The following SAMD9 variants were observed in gnomAD, a reference collection of about 807,000 sequenced individuals.
SAMD9 encodes the protein sterile alpha motif domain containing 9.
A neutral mutation model predicts 1.5 loss-of-function variants in SAMD9; 3 were observed. The ratio of observed to expected loss-of-function variants is 2.05; its 90% CI spans 0.93 to 5.29. SAMD9 has a LOEUF of 5.29. Among genes scored for constraint, SAMD9 ranks in the 30% most tolerant of loss-of-function variants. The probability of loss-of-function intolerance (pLI) is 0.02; values close to 1 mark genes in which losing one functional copy is unlikely to be tolerated. For missense variants in SAMD9, 1,597 were observed against 1,820.8 expected (o/e 0.88, Z 2.24); for synonymous variants, 635 against 631.9 (o/e 1.00, Z -0.07).
chr7:93,101,768 G>T lies in SAMD9; in HGVS notation c.4330C>A (p.Gln1444Lys), dbSNP rs1490596001. ...LASLLFWPEN[Q>K]QLDQHSEQMK... ...TGTTCAGAATGTTGATCTAGTTGTTGATTTTCTGGCCAGAATAAGAGGGAA... is the reference window on the plus strand; with the variant it reads ...TGTTCAGAATGTTGATCTAGTTGTTTATTTTCTGGCCAGAATAAGAGGGAA... Residue 1444 changes from glutamine (Q) to lysine (K), a missense_variant, in exon 3 of 3, where the codon CAA becomes AAA. Gln to Lys is a moderately conservative substitution (Grantham distance 53, BLOSUM62 1). This residue lies in a region of SAMD9 where 682 missense variants were observed against 810.0 expected (regional missense o/e 0.84). Coordinates refer to ENST00000379958, the MANE Select transcript of SAMD9 (RefSeq NM_017654.4). 3.1e-6 allele frequency: 5 copies of T among 1,613,710 alleles called. No individual in the cohort carries two copies. Among genetic ancestry groups the T allele is most frequent in the Middle Eastern group, 1.7e-4 (1 of 6,060 alleles).
chr7:93,104,329 A>T lies in SAMD9; in HGVS notation c.1769T>A (p.Leu590His). 6.2e-7 allele frequency: 1 copy of T among 1,613,820 alleles called. No homozygotes were observed. The highest frequency in any genetic ancestry group is 8.5e-7 in the Non-Finnish European group (1 of 1,179,824). ...TTGGTGTTTTATTAATCTTGCTTCAAGTAGATCTTTCCATCCCTGAAATAT... is the reference window on the plus strand; with the variant it reads ...TTGGTGTTTTATTAATCTTGCTTCATGTAGATCTTTCCATCCCTGAAATAT... ...PHIFQGWKDL[L>H]EARLIKHQDE... The change falls in exon 3 of 3, where the codon CTT becomes CAT. Residue 590 changes from leucine (L) to histidine (H), a missense_variant. By Grantham distance (99) the Leu-to-His change is moderately conservative. Coordinates refer to ENST00000379958, the MANE Select transcript of SAMD9 (RefSeq NM_017654.4).
chr7:93,111,258 C>T (rs1181834487), intron 2 of SAMD9, among the ~76,000 whole-genome samples: 2 of 152,082 alleles, frequency 1.3e-5, no homozygotes, highest in Non-Finnish European at 2.9e-5. Context: ...TTGAAACCAA[C>T]AAGAACAAAG....
At position 93,103,318 on chromosome 7, in the gene SAMD9, T is replaced by G; in HGVS notation, c.2780A>C (p.Tyr927Ser). The G allele has an allele frequency of 1.2e-6, 2 of 1,613,680 alleles. No individual in the cohort carries two copies. Among genetic ancestry groups the G allele is most frequent in the Non-Finnish European group, 1.7e-6 (2 of 1,179,716 alleles). ...TAGTGAAATGGTGGTATCAGGCACA[T>G]ATGAATTAAGAAGAGCCAGAAAAGA... ...LFSFLALLNS[Y>S]VPDTTISLSQ... The change falls in exon 3 of 3, where the codon TAT becomes TCT. Residue 927 changes from tyrosine to serine, a missense_variant. This residue lies in a region of SAMD9 where 682 missense variants were observed against 810.0 expected (regional missense o/e 0.84). Coordinates refer to ENST00000379958, the MANE Select transcript of SAMD9 (RefSeq NM_017654.4).
intron 2 of SAMD9, among the ~76,000 whole-genome samples, chr7:93,114,057 C>T (rs1449874733): frequency 6.6e-6 from 1 of 152,100 alleles, no homozygotes; most frequent in Admixed American, 6.5e-5. Context: ...CCCAAATGTC[C>T]ATCATTGATA....
Position 93,103,875 on chromosome 7 carries a change from A to G in SAMD9, c.2223T>C (p.Cys741=). 6.2e-7 allele frequency: 1 copy of G among 1,613,980 alleles called. No homozygotes were observed. Among genetic ancestry groups the G allele is most frequent in the Non-Finnish European group, 8.5e-7 (1 of 1,179,850 alleles). ...TGTGCATAGCCAAGGTAGTTCCCCC[A>G]CAGCCTGGATGATGATACAGATGAA... ...KIIHLYHHPG[C]GGTTLAMHIL... The change falls in exon 3 of 3, where the codon TGT becomes TGC. Residue 741 remains cysteine (C), a synonymous_variant. Coordinates refer to ENST00000379958, the MANE Select transcript of SAMD9 (RefSeq NM_017654.4).
At position 93,101,513 on chromosome 7, in the gene SAMD9, G is replaced by A. The variant is rs762323380; in HGVS notation, c.4585C>T (p.Arg1529Cys). The A allele has an allele frequency of 6.2e-7, 1 of 1,613,640 alleles. No homozygotes were observed. Among genetic ancestry groups the A allele is most frequent in the South Asian group, 1.1e-5 (1 of 91,070 alleles). ...KEEKVQELLLRLQGRAENNCL... is the reference protein window; with the variant it reads ...KEEKVQELLLCLQGRAENNCL... ...TTGTTTTCAGCTCGACCTTGTAAAC[G>A]AAGCAAAAGTTCTTGGACTTTTTCC... Residue 1529 changes from arginine to cysteine, a missense_variant, in exon 3 of 3, where the codon CGT becomes TGT. Physicochemically the swap from Arg to Cys is radical, Grantham distance 180. Transcript: ENST00000379958.
Position 93,103,447 on chromosome 7 carries a change from G to A in SAMD9, c.2651C>T (p.Ser884Phe), listed in dbSNP as rs778037358. ...AAAATTGGTTTTCATGATCATAAAG[G>A]AATAAAAATCCTCAAAGTTTTTATG... ...EQHKNFEDFY[S>F]FMIMKTNFNK... The change falls in exon 3 of 3, where the codon TCC (serine) becomes TTC (phenylalanine). Residue 884 changes from serine to phenylalanine, a missense_variant. By Grantham distance (155) the Ser-to-Phe change is radical. Around this residue, in one of 6 missense-constraint regions of SAMD9, gnomAD observed 682 missense variants for 810.0 expected, o/e 0.84. Transcript: ENST00000379958. 6 of 1,612,938 alleles carry A rather than the reference G, an allele frequency of 3.7e-6. No individual in the cohort carries two copies. In the South Asian group the frequency reaches 6.6e-5, roughly 18 times the overall value.
chr7:93,114,481 G>T (rs963754338), intron 2 of SAMD9, among the ~76,000 whole-genome samples: 3 of 152,096 alleles, frequency 2.0e-5, no homozygotes, highest in African/African-American at 7.2e-5. Context: ...TGAAAATCAT[G>T]AACCTAATGC....
Position 93,104,880 on chromosome 7 carries a change from A to T in SAMD9, c.1218T>A (p.Asp406Glu). The T allele has an allele frequency of 1.2e-6, 2 of 1,612,998 alleles. No individual in the cohort carries two copies. The highest frequency in any genetic ancestry group is 1.7e-6 in the Non-Finnish European group (2 of 1,179,462). The change falls in exon 3 of 3, where the codon GAT becomes GAA. Residue 406 changes from aspartate (D) to glutamate (E), a missense_variant. Asp to Glu is a conservative substitution (Grantham distance 45). Transcript: ENST00000379958. ...KLLTGNQDLL[D>E]NSYYEQYILV... The stretch of plus-strand genomic sequence containing the variant: ...GAATGTACTGTTCATAGTATGAATT[A>T]TCTAACAAATCTTGATTTCCTGTCA...
chr7:93,102,496 A>C lies in SAMD9; in HGVS notation c.3602T>G (p.Ile1201Arg), dbSNP rs1031601806. The C allele has an allele frequency of 1.1e-5, 17 of 1,613,656 alleles. No homozygotes were observed. Among genetic ancestry groups the C allele is most frequent in the Admixed American group, 1.7e-5 (1 of 59,960 alleles). The change falls in exon 3 of 3, where the codon ATA becomes AGA. Residue 1201 changes from isoleucine to arginine, a missense_variant. Ile to Arg is a moderately conservative substitution (Grantham distance 97). Transcript: ENST00000379958. ...TTGGATTGTGTAAAGCCCAACTTCT[A>C]TCTCTCCTTGATAACCAGCTATATT... ...TYNIAGYQGEIEVGLYTIQIL... is the reference protein window; with the variant it reads ...TYNIAGYQGEREVGLYTIQIL...
At position 93,104,900 on chromosome 7, in the gene SAMD9, C is replaced by A. The variant is rs1791604306; in HGVS notation, c.1198G>T (p.Gly400Ter). 1 of 1,612,622 alleles carries A rather than the reference C, an allele frequency of 6.2e-7. No individual in the cohort carries two copies. The highest frequency in any genetic ancestry group is 8.5e-7 in the Non-Finnish European group (1 of 1,179,464). The change falls in exon 3 of 3, where the codon GGA becomes TGA. Residue 400 changes from glycine (G) to a stop codon, truncating the protein, a stop_gained. Transcript: ENST00000379958. LOFTEE classifies it low-confidence loss of function (END_TRUNC). ...EGPKLVKLLT[G>*]NQDLLDNSYY... ...GAATTATCTAACAAATCTTGATTTCCTGTCAATAATTTAACCAACTTTGGT... is the reference window on the plus strand; with the variant it reads ...GAATTATCTAACAAATCTTGATTTCATGTCAATAATTTAACCAACTTTGGT...
Position 93,104,508 on chromosome 7 carries a change from A to G in SAMD9, c.1590T>C (p.His530=). The change falls in exon 3 of 3, where the codon CAT becomes CAC. Residue 530 remains histidine (H), a synonymous_variant. Transcript: ENST00000379958. ...DVRKLISFLT[H]EDIMPRGKFL... is the part of the protein sequence containing the mutation. ...ACTTCCCTCTTGGCATTATGTCTTC[A>G]TGTGTAAGAAATGAAATCAGTTTCC... is the stretch of plus-strand genomic sequence containing the variant. The G allele has an allele frequency of 6.2e-7, 1 of 1,614,026 alleles. No homozygotes were observed. Among genetic ancestry groups the G allele is most frequent in the Non-Finnish European group, 8.5e-7 (1 of 1,179,906 alleles).
chr7:93,115,108 G>T (rs1198006874), intron 1 of SAMD9, among the ~76,000 whole-genome samples: 2 of 152,184 alleles, frequency 1.3e-5, no homozygotes, highest in Non-Finnish European at 2.9e-5. Context: ...ACAGGGGCGG[G>T]TCTAATGAAG....
chr7:93,116,577 G>T (rs1031130038), intron 1 of SAMD9, among the ~76,000 whole-genome samples: 1 of 152,048 alleles, frequency 6.6e-6, no homozygotes, highest in Non-Finnish European at 1.5e-5. Context: ...GCATTCATAG[G>T]TATTTATGCC....
In SAMD9 at chr7:93,105,237, T is replaced by C; in HGVS notation, c.861A>G (p.Pro287=). The change falls in exon 3 of 3, where the codon CCA becomes CCG. Residue 287 remains proline (P), a synonymous_variant. Transcript: ENST00000379958. ...TTGGCAGTAAAACTTCCACAAATCT[T>C]GGCTCTCGAATGCACTTCTTTGCTT... ...VQQAKKCIRE[P]RFVEVLLPNS... 1 of 1,613,958 alleles carries C rather than the reference T, an allele frequency of 6.2e-7. No homozygotes were observed. The highest frequency in any genetic ancestry group is 1.3e-5 in the African/African-American group (1 of 75,034).
chr7:93,103,628 G>T lies in SAMD9; in HGVS notation c.2470C>A (p.Arg824=), dbSNP rs1186536794. The part of the protein sequence containing the change: ...IQTAIAKKYI[R]YEKPLVIILN... ...ATAATCACCAGAGGTTTTTCATATC[G>T]AATGTACTTTTTAGCTATAGCTGTT... The change falls in exon 3 of 3, where the codon CGA becomes AGA. Residue 824 remains arginine, a synonymous_variant. Transcript: ENST00000379958. 22 of 1,613,320 alleles carry T rather than the reference G, an allele frequency of 1.4e-5. No individual in the cohort carries two copies. The highest frequency in any genetic ancestry group is 1.9e-5 in the Non-Finnish European group (22 of 1,179,610).
Position 93,100,043 on chromosome 7 carries a change from A to T in SAMD9, c.*1285T>A, listed in dbSNP as rs1362845299. ...TTGCTCAAATTAGGATCTAAAGTCT[A>T]TATGTTGCCCTTTAGTTGTTAAGTC... On this transcript the variant is annotated 3_prime_UTR_variant, in exon 3 of 3. Coordinates refer to ENST00000379958, the MANE Select transcript of SAMD9 (RefSeq NM_017654.4). 1 of 152,148 alleles carries T rather than the reference A, an allele frequency of 6.6e-6. No individual in the cohort carries two copies. The highest frequency in any genetic ancestry group is 1.5e-5 in the Non-Finnish European group (1 of 68,020). 9.4% of individuals were successfully genotyped at this position (152,148 alleles called of 1,614,324 possible).
At position 93,103,811 on chromosome 7, in the gene SAMD9, G is replaced by A. The variant is rs1484141844; in HGVS notation, c.2287C>T (p.Leu763=). The part of the protein sequence containing the change: ...ELRKKFRCAV[L]KNKTVDFSEI... ...GAAAAATCCACTGTCTTGTTTTTCA[G>A]CACAGCACATCTGAATTTCTTCCTT... The change falls in exon 3 of 3, where the codon CTG becomes TTG. Residue 763 remains leucine (L), a synonymous_variant. Coordinates refer to ENST00000379958, the MANE Select transcript of SAMD9 (RefSeq NM_017654.4). The A allele has an allele frequency of 1.9e-6, 3 of 1,613,902 alleles. No homozygotes were observed. The South Asian group carries it at 3.3e-5, about 18-fold the overall frequency.
chr7:93,109,166 G>A (rs1205675082), intron 2 of SAMD9, among the ~76,000 whole-genome samples: 1 of 152,142 alleles, frequency 6.6e-6, no homozygotes, highest in Non-Finnish European at 1.5e-5. Flanking sequence ...TGCAACCTCT[G>A]CCGCTGATAC....
Sources: allele counts gnomAD v4.1 joint callset (sites outside exome capture counted in the v4.1 genomes callset), GRCh38; gene constraint gnomAD v4.1.1; regional missense constraint gnomAD v4.1.1; transcripts MANE v1.5; gene names NCBI Gene and HGNC (gene_info 2026-07-23, HGNC 2026-07-21).